LMF1: variants seen among roughly 807,000 people sequenced by gnomAD.
LMF1 encodes the protein lipase maturation factor 1.
A neutral mutation model predicts 60.6 loss-of-function variants in LMF1; 68 were observed. The ratio of observed to expected loss-of-function variants is 1.12; its 90% CI spans 0.92 to 1.37. The LOEUF (loss-of-function observed/expected upper bound fraction) is 1.37, where lower values mean the gene tolerates loss of function less well. Among genes scored for constraint, LMF1 ranks in the 40% most tolerant of loss-of-function variants. The probability of loss-of-function intolerance (pLI) is 0.00; values close to 1 mark genes in which losing one functional copy is unlikely to be tolerated. For missense variants in LMF1, 948 were observed against 767.2 expected (o/e 1.24, Z -2.78); for synonymous variants, 418 against 324.7 (o/e 1.29, Z -3.09).
intron 10 of LMF1, among the ~76,000 whole-genome samples, chr16:861,241 G>A (rs1049218163): frequency 1.1e-4 from 16 of 151,870 alleles, no homozygotes; most frequent in African/African-American, 2.7e-4. Flanking sequence ...GTGGTTCTGC[G>A]TATTTAATTT....
rs35124265 is a variant in LMF1, at chr16:954,562, C to T, written c.298G>A (p.Asp100Asn). 2.3e-5 allele frequency: 37 copies of T among 1,613,178 alleles called. No homozygotes were observed. Among genetic ancestry groups the T allele is most frequent in the East Asian group, 1.1e-4 (5 of 44,892 alleles). ...FLKNFQQYFQ[D>N]RTSWEVFSYM... The stretch of plus-strand genomic sequence containing the variant: ...CTGAAGACTTCCCAGCTCGTCCTGT[C>T]CTGGAAGTACTGCTGGAAGTTCTTC... The change falls in exon 2 of 11, where the codon GAC becomes AAC. Residue 100 changes from aspartate to asparagine, a missense_variant. Transcript: ENST00000262301.
upstream of LMF1, among the ~76,000 whole-genome samples, chr16:975,434 G>T (rs1427141175): frequency 1.3e-5 from 2 of 152,176 alleles, no homozygotes; most frequent in African/African-American, 4.8e-5. Flanking sequence ...CCACAGTGCA[G>T]TTATCAGTCA....
At chr16:975,121 T>C (rs2073110812), upstream of LMF1, among the ~76,000 whole-genome samples, 1 of 152,138 alleles carries the variant, frequency 6.6e-6, no homozygotes, top group Admixed American at 6.5e-5. Context: ...CAGACGGCTG[T>C]TCTGCTTGGC....
At chr16:978,875 G>A in intron 1 of LMF1, 1 of 416,200 alleles carries the variant, frequency 2.4e-6, no homozygotes, top group South Asian at 1.7e-5. Context: ...CTTGTCATCA[G>A]ACACTCTGCT....
chr16:905,683 T>C (rs540143785), intron 4 of LMF1, among the ~76,000 whole-genome samples: 9 of 152,346 alleles, frequency 5.9e-5, no homozygotes, highest in Non-Finnish European at 1.0e-4. Context: ...CATAATGGCA[T>C]TGTGAATATT....
chr16:933,809 G>A (rs533007611), intron 3 of LMF1: 111 of 463,340 alleles, frequency 2.4e-4, no homozygotes, highest in East Asian at 1.5e-3. Context: ...TGCGTTGTGT[G>A]GGATGGGGAA....
chr16:863,977 T>A (rs1357350747), intron 10 of LMF1, among the ~76,000 whole-genome samples: 2 of 152,270 alleles, frequency 1.3e-5, no homozygotes. Context: ...TGCCTGTCGA[T>A]GATGGTGCTC....
intron 6 of LMF1, among the ~76,000 whole-genome samples, chr16:877,033 G>A (rs913511478): frequency 1.2e-4 from 19 of 152,318 alleles, no homozygotes; most frequent in African/African-American, 4.1e-4. Flanking sequence ...CAGGAGATGC[G>A]TGTCGGTGAG....
At chr16:924,189 C>T (rs570347111) in intron 3 of LMF1, among the ~76,000 whole-genome samples, 6 of 152,256 alleles carry the variant, frequency 3.9e-5, no homozygotes, top group Non-Finnish European at 5.9e-5. Context: ...CAATCCCTGT[C>T]GTTCATAAGA....
chr16:882,119 T>G (rs2070178789), intron 5 of LMF1, among the ~76,000 whole-genome samples: 1 of 152,230 alleles, frequency 6.6e-6, no homozygotes, highest in African/African-American at 2.4e-5. Flanking sequence ...GCGATGCCTT[T>G]GTGGACGTGG....
rs551273842 is a variant in LMF1 at position 870,845 on chromosome 16, G to A, written c.1116C>T (p.Gly372=). Residue 372 remains glycine, a synonymous_variant, in exon 8 of 11, where the codon GGC becomes GGT. Coordinates refer to ENST00000262301, the MANE Select transcript of LMF1 (RefSeq NM_022773.4). The part of the protein sequence containing the change: ...VVRRAANVSL[G]VLLAWLSVPV... ...GCACGCTGAGCCAGGCCAGCAGGACGCCCAGCGAGACGTTGGCTGCACGCC... is the reference window on the plus strand; with the variant it reads ...GCACGCTGAGCCAGGCCAGCAGGACACCCAGCGAGACGTTGGCTGCACGCC... 1.7e-5 allele frequency: 27 copies of A among 1,611,434 alleles called. No individual in the cohort carries two copies. The highest frequency in any genetic ancestry group is 2.2e-5 in the East Asian group (1 of 44,870).
At chr16:854,747 C>T in intron 10 of LMF1, 41 bp from the exon 11 acceptor site, 6 of 1,529,430 alleles carry the variant, frequency 3.9e-6, no homozygotes, top group Non-Finnish European at 5.3e-6. Context: ...TGCTGGGACT[C>T]CCGGCCCCCG....
intron 10 of LMF1, among the ~76,000 whole-genome samples, chr16:866,411 G>A (rs2069611720): frequency 6.6e-6 from 1 of 152,120 alleles, no homozygotes; most frequent in Admixed American, 6.5e-5. Context: ...CCTAGTCATT[G>A]CTGGCTGGGT....
chr16:956,986 C>T (rs142897829), intron 1 of LMF1, among the ~76,000 whole-genome samples: 7,510 of 152,146 alleles, frequency 0.049, 203 homozygotes, highest in Non-Finnish European at 0.066. Context: ...AAAACCCTGT[C>T]TCTACTTAAA....
At chr16:922,194 G>C (rs2071450010) in intron 3 of LMF1, among the ~76,000 whole-genome samples, 1 of 152,166 alleles carries the variant, frequency 6.6e-6, no homozygotes, top group Non-Finnish European at 1.5e-5. Context: ...CATGCTCCTT[G>C]GCAGCAACCA....
At chr16:974,368 A>C (rs2073096499), upstream of LMF1, among the ~76,000 whole-genome samples, 1 of 151,966 alleles carries the variant, frequency 6.6e-6, no homozygotes, top group South Asian at 2.1e-4. Flanking sequence ...CCGAGGCGGG[A>C]GGAGGAGGAG....
intron 2 of LMF1, among the ~76,000 whole-genome samples, chr16:934,658 A>G (rs2071889092): frequency 1.3e-5 from 2 of 152,284 alleles, no homozygotes; most frequent in Non-Finnish European, 2.9e-5. Flanking sequence ...CTTAAATGAA[A>G]GGAATTGGTG....
intron 9 of LMF1, 41 bp from the exon 10 acceptor site, chr16:869,097 C>A (rs1353058283): frequency 7.6e-7 from 1 of 1,322,930 alleles, no homozygotes; most frequent in Non-Finnish European, 1.1e-6. Flanking sequence ...GTGCCACTCG[C>A]TGTCCAGGCA....
intron 6 of LMF1, among the ~76,000 whole-genome samples, chr16:875,475 G>C (rs1355244901): frequency 2.0e-5 from 3 of 152,194 alleles, no homozygotes; most frequent in Non-Finnish European, 4.4e-5. Flanking sequence ...CGGTAGCTCA[G>C]CCCTCAAGTG....
Sources: gnomAD v4.1 joint callset for allele counts (sites outside exome capture counted in the v4.1 genomes callset) on GRCh38, gnomAD v4.1.1 for gene constraint, MANE v1.5 for transcripts, NCBI Gene and HGNC (gene_info 2026-07-23, HGNC 2026-07-21) for gene names.